XKR4: variants seen among roughly 807,000 people sequenced by gnomAD.
XKR4 encodes XK related 4, also known as XK-related protein 4.
In XKR4, 12 loss-of-function variants were observed where a neutral mutation model predicts 53.9. The ratio of observed to expected loss-of-function variants is 0.22; its 90% CI spans 0.14 to 0.36. XKR4 has a LOEUF of 0.36. Ranked by LOEUF, XKR4 falls within the 10% of genes least tolerant of loss-of-function variation. XKR4 has a pLI of 1.00. For missense variants in XKR4, 799 were observed against 859.5 expected (o/e 0.93, Z 0.88); for synonymous variants, 354 against 362.4 (o/e 0.98, Z 0.26).
intron 1 of XKR4, among the ~76,000 whole-genome samples, chr8:55,114,366 T>G (rs1310626501): frequency 2.0e-5 from 3 of 152,194 alleles, no homozygotes; most frequent in African/African-American, 7.2e-5. Flanking sequence ...TGGCTGCTTA[T>G]ATATCTTCTT....
chr8:55,381,078 C>A (rs2129387476), intron 2 of XKR4, among the ~76,000 whole-genome samples: 1 of 151,968 alleles, frequency 6.6e-6, no homozygotes, highest in East Asian at 1.9e-4. Context: ...AGAGACTTGG[C>A]AATATATACA....
intron 2 of XKR4, among the ~76,000 whole-genome samples, chr8:55,418,144 T>C (rs1804876125): frequency 2.0e-5 from 3 of 152,136 alleles, no homozygotes; most frequent in Admixed American, 6.5e-5. Context: ...CTGTCCCTTA[T>C]TAAGGCAAGG....
chr8:55,507,714 T>G, intron 2 of XKR4, among the ~76,000 whole-genome samples: 1 of 152,200 alleles, frequency 6.6e-6, no homozygotes. Context: ...TTCCATGGTG[T>G]ATATGTGCCA....
chr8:55,409,307 G>A (rs574123615), intron 2 of XKR4, among the ~76,000 whole-genome samples: 14 of 152,234 alleles, frequency 9.2e-5, no homozygotes, highest in South Asian at 4.1e-4. Flanking sequence ...TCACCTGAGC[G>A]AGTGAGACCG....
At chr8:55,343,898 T>C (rs1342952025) in intron 1 of XKR4, among the ~76,000 whole-genome samples, 1 of 152,188 alleles carries the variant, frequency 6.6e-6, no homozygotes, top group African/African-American at 2.4e-5. Context: ...AATAACACAC[T>C]GCCTTAAAAA....
At position 55,539,918 on chromosome 8, in the gene XKR4, C is replaced by T. The variant is rs1463033284; in HGVS notation, c.*15691C>T. ...AGTATGTCATGGGGAGATTTTGCCA[C>T]AAAGATACAAAACAGAATTGAAGTG... On this transcript the variant is annotated 3_prime_UTR_variant, in exon 3 of 3. Transcript: ENST00000327381. 8 of 152,052 alleles carry T rather than the reference C, an allele frequency of 5.3e-5. No individual in the cohort carries two copies. The highest frequency in any genetic ancestry group is 8.8e-5 in the Non-Finnish European group (6 of 68,040). The allele number at this position is 152,052 out of a possible 1,614,324, so 9.4% of individuals were successfully genotyped here. A position where few individuals can be genotyped will look rare whatever the true frequency, so the allele number is the denominator to read the frequency against.
At chr8:55,161,466 G>C in intron 1 of XKR4, 1 of 451,200 alleles carries the variant, frequency 2.2e-6, no homozygotes, top group South Asian at 1.6e-5. Flanking sequence ...AGCACCTGCT[G>C]GGCTGGGCAG....
chr8:55,536,115 T>G lies in XKR4; in HGVS notation c.*11888T>G, dbSNP rs976586442. ...GTGTCCAAACACACTAAACTGGGTT[T>G]ACAAGCATTAGAATCTTTCACTCAT... On this transcript the variant is annotated 3_prime_UTR_variant, in exon 3 of 3. Transcript: ENST00000327381. The G allele has an allele frequency of 1.3e-5, 2 of 152,254 alleles. No homozygotes were observed. The highest frequency in any genetic ancestry group is 4.1e-4 in the South Asian group (2 of 4,834). 9.4% of individuals were successfully genotyped at this position (152,254 alleles called of 1,614,324 possible). A position where few individuals can be genotyped will look rare whatever the true frequency, so the allele number is the denominator to read the frequency against.
rs542144465 is a variant in XKR4, at chr8:55,237,391, T to C, written c.807-120287T>C. Among the ~76,000 whole-genome samples, 4 of 152,344 alleles carry C rather than the reference T, an allele frequency of 2.6e-5. No individual in the cohort carries two copies. The South Asian group carries it at 8.3e-4, about 32-fold the overall frequency. ...ATTGTATGTATTATATACTGTATTC[T>C]TACAATAAAGTCAGTTAGAGAAAAG... is the stretch of plus-strand genomic sequence containing the variant. On this transcript the variant is annotated intron_variant, in intron 1 of 2. Coordinates refer to ENST00000327381, the MANE Select transcript of XKR4 (RefSeq NM_052898.2).
intron 2 of XKR4, among the ~76,000 whole-genome samples, chr8:55,504,632 G>A (rs2658939): frequency 6.6e-6 from 1 of 151,914 alleles, no homozygotes; most frequent in African/African-American, 2.4e-5. Flanking sequence ...AGGATTTATG[G>A]TAATTCCTCT....
Position 55,197,700 on chromosome 8 carries a change from C to T in XKR4, c.806+94406C>T, listed in dbSNP as rs530718622. Reference sequence around the variant, plus strand: ...CTGGGACTACAGGCACCCGCCACCACGCCTGGCTAGTTTTTTGTATTTTTA... The same window carrying T: ...CTGGGACTACAGGCACCCGCCACCATGCCTGGCTAGTTTTTTGTATTTTTA... On this transcript the variant is annotated intron_variant, in intron 1 of 2. Coordinates refer to ENST00000327381, the MANE Select transcript of XKR4 (RefSeq NM_052898.2). Among the ~76,000 whole-genome samples, 6 of 152,128 alleles carry T rather than the reference C, an allele frequency of 3.9e-5. No homozygotes were observed. The East Asian group carries it at 7.8e-4, about 20-fold the overall frequency.
chr8:55,217,704 T>G (rs932536191), intron 1 of XKR4, among the ~76,000 whole-genome samples: 1 of 152,088 alleles, frequency 6.6e-6, no homozygotes, highest in African/African-American at 2.4e-5. Context: ...ATAATATCCT[T>G]TTTTACAGAG....
chr8:55,448,264 A>T (rs1805374395), intron 2 of XKR4, among the ~76,000 whole-genome samples: 1 of 152,244 alleles, frequency 6.6e-6, no homozygotes, highest in South Asian at 2.1e-4. Context: ...GACTCAATAA[A>T]GCGCTCTTCT....
chr8:55,136,917 C>G (rs148368940), intron 1 of XKR4, among the ~76,000 whole-genome samples: 1 of 152,238 alleles, frequency 6.6e-6, no homozygotes, highest in African/African-American at 2.4e-5. Flanking sequence ...AGAAAGCATT[C>G]AAAGGCACCC....
rs576835101 is a variant in XKR4 at position 55,508,103 on chromosome 8, CA to C, written c.1007-15177del. The stretch of plus-strand genomic sequence containing the variant: ...TTACTGTTCTTTTATTGCTAGCTAG[CA>C]TACAAATTCCTAATTGAAAAACCTT... On this transcript the variant is annotated intron_variant, in intron 2 of 2. Coordinates refer to ENST00000327381, the MANE Select transcript of XKR4 (RefSeq NM_052898.2). 3.9e-3 allele frequency among the ~76,000 whole-genome samples: 592 copies of C among 152,166 alleles called. 1 individual carries two copies. The highest frequency in any genetic ancestry group is 7.3e-3 in the Non-Finnish European group (498 of 68,018).
chr8:55,469,105 C>T (rs1805831726), intron 2 of XKR4, among the ~76,000 whole-genome samples: 1 of 152,108 alleles, frequency 6.6e-6, no homozygotes, highest in Non-Finnish European at 1.5e-5. Context: ...CAGAATATTT[C>T]TCAACTGCAA....
intron 2 of XKR4, among the ~76,000 whole-genome samples, chr8:55,495,254 G>A (rs551065767): frequency 6.6e-6 from 1 of 152,192 alleles, no homozygotes; most frequent in Non-Finnish European, 1.5e-5. Flanking sequence ...GTGAGAGCAG[G>A]TGCTTCTGAG....
chr8:55,103,110 C>T lies in XKR4; in HGVS notation c.622C>T (p.Arg208Cys). 2 of 1,613,362 alleles carry T rather than the reference C, an allele frequency of 1.2e-6. No individual in the cohort carries two copies. Among genetic ancestry groups the T allele is most frequent in the Non-Finnish European group, 8.5e-7 (1 of 1,179,978 alleles). The change falls in exon 1 of 3, where the codon CGT becomes TGT. Residue 208 changes from arginine (R) to cysteine (C), a missense_variant. Around this residue, in one of 3 missense-constraint regions of XKR4, gnomAD observed 476 missense variants for 505.4 expected, o/e 0.94. Coordinates refer to ENST00000327381, the MANE Select transcript of XKR4 (RefSeq NM_052898.2). ...GTCTGCAGCCGGGGAAGGCGAGGCT[C>T]GTCCTTCCACGCCGCAAAGGCAAGC... ...GGSAAGEGEA[R>C]PSTPQRQASN...
chr8:55,522,792 C>A (rs370561726), intron 2 of XKR4, among the ~76,000 whole-genome samples: 16 of 152,224 alleles, frequency 1.1e-4, no homozygotes, highest in African/African-American at 3.9e-4. Flanking sequence ...CCATTTACAC[C>A]AAATACAGAA....
Sources: allele counts gnomAD v4.1 joint callset (sites outside exome capture counted in the v4.1 genomes callset), GRCh38; gene constraint gnomAD v4.1.1; regional missense constraint gnomAD v4.1.1; transcripts MANE v1.5; gene names NCBI Gene and HGNC (gene_info 2026-07-23, HGNC 2026-07-21).